Variants in TNR observed in about 807,000 individuals in gnomAD.
TNR encodes tenascin-R.
In TNR, 45 loss-of-function variants were observed where a neutral mutation model predicts 150.4. The observed-to-expected ratio is 0.30, with a 90% CI of 0.24 to 0.38. TNR has a LOEUF of 0.38. Ranked by LOEUF, TNR falls within the 10% of genes least tolerant of loss-of-function variation. TNR has a pLI of 1.00. For missense variants in TNR, 1,544 were observed against 1,759.1 expected, an observed-to-expected ratio of 0.88 and a Z score of 2.19; for synonymous variants, 687 against 678.4, an observed-to-expected ratio of 1.01 and a Z score of -0.20.
Position 175,317,301 on chromosome 1 carries a change from A to G in TNR, c.*6056T>C, listed in dbSNP as rs539440325. The G allele has an allele frequency of 2.9e-4, 44 of 152,356 alleles. No homozygotes were observed. Among genetic ancestry groups the G allele is most frequent in the African/African-American group, 1.0e-3 (43 of 41,582 alleles). 9.4% of individuals were successfully genotyped at this position (152,356 alleles called of 1,614,324 possible). The stretch of plus-strand genomic sequence containing the variant: ...ACTAATTGCCTGTGTGAATGTGAGC[A>G]AATTGCCTAAACTTTCTTGCCCTTG... On this transcript the variant is annotated 3_prime_UTR_variant, in exon 23 of 23. Coordinates refer to ENST00000367674, the MANE Select transcript of TNR (RefSeq NM_003285.3).
At chr1:175,724,320 T>C (rs2101947319) in intron 1 of TNR, among the ~76,000 whole-genome samples, 1 of 152,086 alleles carries the variant, frequency 6.6e-6, no homozygotes, top group East Asian at 1.9e-4. Context: ...AGCCAGTACT[T>C]TACATGGCCA....
chr1:175,532,455 A>G (rs1660109325), intron 1 of TNR, among the ~76,000 whole-genome samples: 1 of 152,190 alleles, frequency 6.6e-6, no homozygotes, highest in African/African-American at 2.4e-5. Context: ...TCCTACTTTC[A>G]GGCATACAAA....
At chr1:175,541,736 G>A (rs1276873221) in intron 1 of TNR, among the ~76,000 whole-genome samples, 1 of 152,166 alleles carries the variant, frequency 6.6e-6, no homozygotes, top group East Asian at 1.9e-4. Context: ...GCCAGGTGTG[G>A]AGAAAAGCAT....
intron 2 of TNR, among the ~76,000 whole-genome samples, chr1:175,455,662 A>G (rs1224085219): frequency 2.0e-5 from 3 of 152,224 alleles, no homozygotes; most frequent in Non-Finnish European, 1.5e-5. Context: ...CTGAAAAGCC[A>G]GAAGGGTTGT....
At chr1:175,608,252 G>A (rs1332669184) in intron 1 of TNR, among the ~76,000 whole-genome samples, 2 of 152,214 alleles carry the variant, frequency 1.3e-5, no homozygotes, top group African/African-American at 4.8e-5. Context: ...ATGGGAAAGG[G>A]ATACATAGCT....
At chr1:175,573,323 T>C (rs1235202757) in intron 1 of TNR, among the ~76,000 whole-genome samples, 2 of 152,224 alleles carry the variant, frequency 1.3e-5, no homozygotes, top group Non-Finnish European at 2.9e-5. Flanking sequence ...CTCAGAGCCC[T>C]GCGGCTTTTC....
intron 2 of TNR, among the ~76,000 whole-genome samples, chr1:175,449,241 C>T (rs1037963983): frequency 1.6e-4 from 25 of 152,148 alleles, no homozygotes; most frequent in Non-Finnish European, 3.1e-4. Context: ...TTTCCCAGGG[C>T]GCTCTGCTCC....
At chr1:175,683,689 G>A (rs770622329) in intron 1 of TNR, among the ~76,000 whole-genome samples, 6 of 152,224 alleles carry the variant, frequency 3.9e-5, no homozygotes, top group South Asian at 2.1e-4. Flanking sequence ...GTGGGAGGGG[G>A]AGGGGAGGGC....
chr1:175,322,499 T>C lies in TNR; in HGVS notation c.*858A>G, dbSNP rs1649111912. 2 of 152,280 alleles carry C rather than the reference T, an allele frequency of 1.3e-5. No individual in the cohort carries two copies. The highest frequency in any genetic ancestry group is 2.4e-5 in the African/African-American group (1 of 41,462). The allele number at this position is 152,280 out of a possible 1,614,324, so 9.4% of individuals were successfully genotyped here. A position where few individuals can be genotyped will look rare whatever the true frequency, so the allele number is the denominator to read the frequency against. Reference sequence around the variant, plus strand: ...TGGCCCATTATAAAGGACTTGGGGCTGGATGCAGTGGCTGTAGCCTGTAAT... The same window carrying C: ...TGGCCCATTATAAAGGACTTGGGGCCGGATGCAGTGGCTGTAGCCTGTAAT... On this transcript the variant is annotated 3_prime_UTR_variant, in exon 23 of 23. Coordinates refer to ENST00000367674, the MANE Select transcript of TNR (RefSeq NM_003285.3).
intron 1 of TNR, among the ~76,000 whole-genome samples, chr1:175,626,250 T>C (rs6693016): frequency 0.29 from 43,378 of 152,020 alleles, 7,337 homozygotes; most frequent in East Asian, 0.5. Context: ...CACTAATACA[T>C]TCCTGTTCGT....
At chr1:175,546,349 C>A (rs1660686708) in intron 1 of TNR, among the ~76,000 whole-genome samples, 1 of 152,150 alleles carries the variant, frequency 6.6e-6, no homozygotes, top group African/African-American at 2.4e-5. Context: ...TGTATATGAA[C>A]AGCTAAGGAA....
At chr1:175,543,062 A>T (rs1324790199) in intron 1 of TNR, among the ~76,000 whole-genome samples, 1 of 152,222 alleles carries the variant, frequency 6.6e-6, no homozygotes, top group Non-Finnish European at 1.5e-5. Flanking sequence ...TTGAAATTAT[A>T]AATAACGTTT....
intron 2 of TNR, among the ~76,000 whole-genome samples, chr1:175,444,456 A>G (rs1450508205): frequency 6.6e-6 from 1 of 152,194 alleles, no homozygotes; most frequent in East Asian, 1.9e-4. Context: ...CTGGCCCACC[A>G]CTGGGTTCCT....
In TNR at chr1:175,366,126, G is replaced by A. The variant is rs199825452; in HGVS notation, c.2066C>T (p.Pro689Leu). ...GGAGGCTGTCACCATGAGGTCTCGG[G>A]GACTGTCAAGTTCTGTGGATTGACA... ...TMNARTELDSPRDLMVTASSE... is the reference protein window; with the variant it reads ...TMNARTELDSLRDLMVTASSE... Residue 689 changes from proline to leucine, a missense_variant, in exon 11 of 23, where the codon CCC (proline) becomes CTC (leucine). Pro to Leu is a moderately conservative substitution (Grantham distance 98). Around this residue, in one of 2 missense-constraint regions of TNR, gnomAD observed 1,254 missense variants for 1,329.4 expected, o/e 0.94. Coordinates refer to ENST00000367674, the MANE Select transcript of TNR (RefSeq NM_003285.3). 2 of 1,606,118 alleles carry A rather than the reference G, an allele frequency of 1.2e-6. No homozygotes were observed. The highest frequency in any genetic ancestry group is 2.2e-5 in the East Asian group (1 of 44,754).
chr1:175,401,636 T>C (rs752916357), intron 4 of TNR, among the ~76,000 whole-genome samples: 2 of 152,212 alleles, frequency 1.3e-5, no homozygotes, highest in Non-Finnish European at 2.9e-5. Flanking sequence ...GTTTTTCTTT[T>C]CATTATTACC....
At chr1:175,434,953 C>A (rs10912978) in intron 2 of TNR, among the ~76,000 whole-genome samples, 9,406 of 152,274 alleles carry the variant, frequency 0.062, 400 homozygotes, top group Middle Eastern at 0.12. Flanking sequence ...TTCTCCTTTT[C>A]ACTCCCACAG....
chr1:175,390,155 C>T (rs892387852), intron 7 of TNR, among the ~76,000 whole-genome samples: 2 of 152,214 alleles, frequency 1.3e-5, no homozygotes, highest in African/African-American at 4.8e-5. Flanking sequence ...GTTTTCTAAA[C>T]TGAGCTTAAG....
At chr1:175,430,018 C>A (rs1655191267) in intron 2 of TNR, among the ~76,000 whole-genome samples, 1 of 150,630 alleles carries the variant, frequency 6.6e-6, no homozygotes. Context: ...GAGATACAGC[C>A]TATTTTATAT....
intron 1 of TNR, among the ~76,000 whole-genome samples, chr1:175,587,474 T>A (rs1662619163): frequency 6.6e-6 from 1 of 152,206 alleles, no homozygotes; most frequent in Admixed American, 6.5e-5. Context: ...AATCATGTAG[T>A]TAAGAATCTA....
Sources: gnomAD v4.1 joint callset for allele counts (sites outside exome capture counted in the v4.1 genomes callset) on GRCh38, gnomAD v4.1.1 for gene constraint, gnomAD v4.1.1 regional missense constraint, MANE v1.5 for transcripts, NCBI Gene and HGNC (gene_info 2026-07-23, HGNC 2026-07-21) for gene names.